Variants in ENTPD1 observed in about 807,000 individuals in gnomAD.
The protein encoded by ENTPD1 is ATP diphosphohydrolase.
A neutral mutation model predicts 57.0 loss-of-function variants in ENTPD1; 33 were observed. That is an observed-to-expected ratio of 0.58 (90% confidence interval 0.44 to 0.77). The LOEUF (loss-of-function observed/expected upper bound fraction) is 0.77. Ranked by LOEUF, ENTPD1 falls within the 30% of genes least tolerant of loss-of-function variation. The pLI, the probability that ENTPD1 is intolerant of heterozygous loss-of-function variation, is 0.00. For synonymous variants in ENTPD1, 202 were observed against 218.8 expected, an observed-to-expected ratio of 0.92 and a Z score of 0.68; for missense variants, 501 against 603.4, an observed-to-expected ratio of 0.83 and a Z score of 1.78.
intron 7 of ENTPD1, among the ~76,000 whole-genome samples, chr10:95,849,833 G>C (rs1287967142): frequency 1.3e-5 from 2 of 152,174 alleles, no homozygotes; most frequent in Admixed American, 1.3e-4. Context: ...TTTTTTTTGG[G>C]CCAGGGCCCT....
At chr10:95,762,390 G>GTTT (rs5787157) in intron 1 of ENTPD1, among the ~76,000 whole-genome samples, 24 of 134,636 alleles carry the variant, frequency 1.8e-4, no homozygotes, top group Non-Finnish European at 2.7e-4. Flanking sequence ...TTTCCTGGCA[G>GTTT]TTTTTTTTTT....
intron 7 of ENTPD1, among the ~76,000 whole-genome samples, chr10:95,857,751 T>G (rs904690587): frequency 6.6e-6 from 1 of 152,206 alleles, no homozygotes; most frequent in African/African-American, 2.4e-5. Flanking sequence ...TGAGGGCAGA[T>G]TCAACCAAGA....
intron 7 of ENTPD1, among the ~76,000 whole-genome samples, chr10:95,849,221 A>G (rs2098440741): frequency 6.6e-6 from 1 of 152,178 alleles, no homozygotes; most frequent in African/African-American, 2.4e-5. Context: ...TCAGTCTTCA[A>G]ATTTCTTATT....
At chr10:95,820,800 G>A (rs557904213) in intron 1 of ENTPD1, among the ~76,000 whole-genome samples, 147 of 152,182 alleles carry the variant, frequency 9.7e-4, no homozygotes, top group African/African-American at 3.4e-3. Flanking sequence ...CTTCTTTTCT[G>A]GTTTATCTGT....
At chr10:95,712,027 C>G in intron 1 of ENTPD1, 1 of 1,613,824 alleles carries the variant, frequency 6.2e-7, no homozygotes, top group African/African-American at 1.3e-5. Context: ...CTCCCGGCCT[C>G]TCTCCCTCTG....
chr10:95,872,004 G>A lies in ENTPD1; in HGVS notation c.*5621G>A, dbSNP rs940398693. The A allele has an allele frequency of 1.0e-6, 1 of 985,262 alleles. No individual in the cohort carries two copies. The highest frequency in any genetic ancestry group is 1.2e-6 in the Non-Finnish European group (1 of 829,928). 61.0% of individuals were successfully genotyped at this position (985,262 alleles called of 1,614,324 possible). A position where few individuals can be genotyped will look rare whatever the true frequency, so the allele number is the denominator to read the frequency against. ...CAGTTCCTCCTCCTGTGTTTTACAT[G>A]ATTAATGCCACCCCTGCCTCAATGA... On this transcript the variant is annotated 3_prime_UTR_variant, in exon 10 of 10. Coordinates refer to ENST00000371205, the MANE Select transcript of ENTPD1 (RefSeq NM_001776.6).
In ENTPD1 at chr10:95,757,165, C is replaced by T. The variant is rs1042786020; in HGVS notation, c.16+910C>T. 7.2e-5 allele frequency among the ~76,000 whole-genome samples: 11 copies of T among 152,224 alleles called. 1 individual carries two copies. Among genetic ancestry groups the T allele is most frequent in the African/African-American group, 2.7e-4 (11 of 41,458 alleles). ...TACCGTATAGAACATGGAAGAATAG[C>T]ATGAGTAGCCAACATATTTCTTAAT... is the stretch of plus-strand genomic sequence containing the variant. On this transcript the variant is annotated intron_variant, in intron 1 of 9. Coordinates refer to ENST00000371205, the MANE Select transcript of ENTPD1 (RefSeq NM_001776.6).
Position 95,823,356 on chromosome 10 carries a change from A to G in ENTPD1, c.136A>G (p.Asn46Asp), listed in dbSNP as rs745722207. ...GLTQNKALPE[N>D]VKYGIVLDAG... ...GACCCAGAACAAAGCATTGCCAGAA[A>G]ACGTTAAGGTAAGTCAAATATATCT... is the stretch of plus-strand genomic sequence containing the variant. Residue 46 changes from asparagine (N) to aspartate (D), a missense_variant, in exon 2 of 10, where the codon AAC (asparagine) becomes GAC (aspartate). By Grantham distance (23) the Asn-to-Asp change is conservative (BLOSUM62 1). Transcript: ENST00000371205. 5.0e-6 allele frequency: 8 copies of G among 1,613,996 alleles called. No homozygotes were observed. The African/African-American group carries it at 8.0e-5, about 16-fold the overall frequency.
intron 1 of ENTPD1, among the ~76,000 whole-genome samples, chr10:95,774,016 G>A (rs548129581): frequency 1.3e-5 from 2 of 152,240 alleles, no homozygotes; most frequent in African/African-American, 4.8e-5. Context: ...ACTTTTTAAT[G>A]ATTGCCATTC....
At chr10:95,751,142 C>A (rs1038782366), upstream of ENTPD1, among the ~76,000 whole-genome samples, 17 of 152,048 alleles carry the variant, frequency 1.1e-4, no homozygotes, top group Non-Finnish European at 4.4e-5. Flanking sequence ...TAGAGAGAGT[C>A]CTTACATATT....
At chr10:95,787,444 G>A (rs2098184526) in intron 1 of ENTPD1, among the ~76,000 whole-genome samples, 1 of 152,134 alleles carries the variant, frequency 6.6e-6, no homozygotes. Flanking sequence ...GGAAGGAGAG[G>A]GGATGTTAAA....
intron 2 of ENTPD1, among the ~76,000 whole-genome samples, chr10:95,832,864 G>A (rs758222365): frequency 6.6e-6 from 1 of 152,182 alleles, no homozygotes; most frequent in African/African-American, 2.4e-5. Context: ...TTGTCAGAGC[G>A]ATGAGCACAT....
intron 1 of ENTPD1, among the ~76,000 whole-genome samples, chr10:95,715,399 C>T (rs1483042629): frequency 6.6e-6 from 1 of 151,842 alleles, no homozygotes; most frequent in Admixed American, 6.6e-5. Flanking sequence ...TTCATAGCAG[C>T]TATTTGTGCA....
Position 95,866,583 on chromosome 10 carries a change from G to A in ENTPD1, c.*200G>A. ...TGCCTCAAGGACTTCGGCAGATACT[G>A]TCTCTTTCATGAGTTTTTCCCAGCT... On this transcript the variant is annotated 3_prime_UTR_variant, in exon 10 of 10. Coordinates refer to ENST00000371205, the MANE Select transcript of ENTPD1 (RefSeq NM_001776.6). 7.0e-7 allele frequency: 1 copy of A among 1,430,686 alleles called. No individual in the cohort carries two copies. The highest frequency in any genetic ancestry group is 1.5e-5 in the South Asian group (1 of 68,412). The allele number at this position is 1,430,686 out of a possible 1,614,324, so 88.6% of individuals were successfully genotyped here.
At chr10:95,855,692 A>G (rs948498010) in intron 7 of ENTPD1, among the ~76,000 whole-genome samples, 1 of 152,150 alleles carries the variant, frequency 6.6e-6, no homozygotes, top group Admixed American at 6.6e-5. Flanking sequence ...TCCTTCACTT[A>G]TGAAGCTTAG....
At chr10:95,839,968 A>G (rs1408489391) in intron 3 of ENTPD1, among the ~76,000 whole-genome samples, 160 bp downstream of exon 3, 3 of 152,244 alleles carry the variant, frequency 2.0e-5, no homozygotes, top group Non-Finnish European at 4.4e-5. Flanking sequence ...TACAGAAAAC[A>G]TATTGAAATC....
chr10:95,819,546 C>A (rs1052494360), intron 1 of ENTPD1, among the ~76,000 whole-genome samples: 1 of 152,194 alleles, frequency 6.6e-6, no homozygotes, highest in Middle Eastern at 3.4e-3. Flanking sequence ...TCAAAAGAAC[C>A]TTTGCTTCCT....
chr10:95,748,222 G>T (rs1368317610), intron 1 of ENTPD1, among the ~76,000 whole-genome samples: 1 of 152,012 alleles, frequency 6.6e-6, no homozygotes, highest in South Asian at 2.1e-4. Context: ...AGCCTATTTT[G>T]TGAGTATCAT....
chr10:95,733,001 A>C (rs944727074), intron 1 of ENTPD1, among the ~76,000 whole-genome samples: 1 of 152,210 alleles, frequency 6.6e-6, no homozygotes, highest in African/African-American at 2.4e-5. Flanking sequence ...ACAGGGTTTG[A>C]GAGCAGACAA....
Sources: gnomAD v4.1 joint callset for allele counts (sites outside exome capture counted in the v4.1 genomes callset) on GRCh38, gnomAD v4.1.1 for gene constraint, MANE v1.5 for transcripts, NCBI Gene and HGNC (gene_info 2026-07-23, HGNC 2026-07-21) for gene names.